PARD3B: variants seen among roughly 807,000 people sequenced by gnomAD.
PARD3B encodes par-3 family cell polarity regulator beta.
A neutral mutation model predicts 130.2 loss-of-function variants in PARD3B; 103 were observed. The observed-to-expected ratio is 0.79, with a 90% CI of 0.67 to 0.93. The LOEUF (loss-of-function observed/expected upper bound fraction) is 0.93, where lower values mean the gene tolerates loss of function less well. Among genes scored for constraint, PARD3B ranks in the 40% least tolerant of loss-of-function variants. The pLI, the probability that PARD3B is intolerant of heterozygous loss-of-function variation, is 0.00. For synonymous variants in PARD3B, 583 were observed against 553.2 expected, an observed-to-expected ratio of 1.05 and a Z score of -0.76; for missense variants, 1,609 against 1,499.2, an observed-to-expected ratio of 1.07 and a Z score of -1.21.
At chr2:205,168,288 G>GGAGAGA (rs761018109) in intron 11 of PARD3B, among the ~76,000 whole-genome samples, 26 of 126,912 alleles carry the variant, frequency 2.0e-4, no homozygotes, top group South Asian at 1.4e-3. Flanking sequence ...GGTGAGAAAG[G>GGAGAGA]GAGAGAGAGA....
At chr2:204,630,944 A>G (rs1188801003) in intron 1 of PARD3B, among the ~76,000 whole-genome samples, 1 of 151,814 alleles carries the variant, frequency 6.6e-6, no homozygotes, top group Admixed American at 6.6e-5. Flanking sequence ...AGGGTTTTTT[A>G]TGTCTCTGTC....
chr2:204,970,327 C>G (rs1691597346), intron 3 of PARD3B, among the ~76,000 whole-genome samples: 1 of 152,212 alleles, frequency 6.6e-6, no homozygotes, highest in South Asian at 2.1e-4. Context: ...TAACCTATCT[C>G]TATCAGAACC....
At chr2:205,481,863 G>A (rs992454703) in intron 20 of PARD3B, among the ~76,000 whole-genome samples, 4 of 152,282 alleles carry the variant, frequency 2.6e-5, no homozygotes, top group African/African-American at 7.2e-5. Flanking sequence ...AAACAATTAC[G>A]AGTCCAGAAA....
chr2:205,581,289 G>T (rs973179184), intron 22 of PARD3B, among the ~76,000 whole-genome samples: 26 of 138,780 alleles, frequency 1.9e-4, no homozygotes, highest in East Asian at 4.2e-4. Flanking sequence ...TAGATATATA[G>T]ATAGATATAG....
intron 3 of PARD3B, among the ~76,000 whole-genome samples, chr2:205,010,205 T>A (rs552953088): frequency 1.3e-5 from 2 of 152,130 alleles, no homozygotes; most frequent in Non-Finnish European, 2.9e-5. Flanking sequence ...AGTTAAGTAA[T>A]TGATACATAT....
chr2:205,185,986 C>T, intron 14 of PARD3B, 123 bp downstream of exon 14: 1 of 758,386 alleles, frequency 1.3e-6, no homozygotes, highest in Non-Finnish European at 2.2e-6. Flanking sequence ...CTTATAGTAT[C>T]TATAATTCCT....
At chr2:205,126,263 TA>T (rs754265354) in intron 10 of PARD3B, among the ~76,000 whole-genome samples, 4 of 152,286 alleles carry the variant, frequency 2.6e-5, no homozygotes, top group Non-Finnish European at 5.9e-5. Flanking sequence ...ATTAAAAATG[TA>T]TACCCTTAGA....
chr2:205,375,301 T>C (rs2044997845), intron 18 of PARD3B, among the ~76,000 whole-genome samples: 1 of 152,178 alleles, frequency 6.6e-6, no homozygotes, highest in African/African-American at 2.4e-5. Context: ...ATTCCTGATT[T>C]CAGGTAGCCA....
intron 15 of PARD3B, among the ~76,000 whole-genome samples, chr2:205,195,293 C>T (rs1037524080): frequency 6.6e-6 from 1 of 152,062 alleles, no homozygotes. Flanking sequence ...TTCTTCAGGA[C>T]CCTAGTACCA....
intron 18 of PARD3B, among the ~76,000 whole-genome samples, chr2:205,388,907 C>T (rs905183278): frequency 2.0e-5 from 3 of 152,128 alleles, no homozygotes; most frequent in Non-Finnish European, 4.4e-5. Flanking sequence ...TAATGAATTA[C>T]TCCTCATTTT....
intron 3 of PARD3B, among the ~76,000 whole-genome samples, chr2:204,980,014 C>T (rs1265056067): frequency 3.9e-5 from 6 of 152,148 alleles, no homozygotes. Context: ...TAAAGAACTT[C>T]TGTTCATTAA....
rs540895384 is a variant in PARD3B at position 204,994,982 on chromosome 2, G to A, written c.394+29659G>A. ...TTTGAGCCTATGTGTGTCTCTGCACGTGAGATGGGTTTCCTGAATACAGCA... is the reference window on the plus strand; with the variant it reads ...TTTGAGCCTATGTGTGTCTCTGCACATGAGATGGGTTTCCTGAATACAGCA... On this transcript the variant is annotated intron_variant, in intron 3 of 22. Transcript: ENST00000406610. Among the ~76,000 whole-genome samples, 605 of 150,764 alleles carry A rather than the reference G, an allele frequency of 4.0e-3. 4 individuals carry two copies. Among genetic ancestry groups the A allele is most frequent in the African/African-American group, 0.013 (516 of 40,954 alleles).
At chr2:204,714,133 C>T (rs900780084) in intron 2 of PARD3B, among the ~76,000 whole-genome samples, 1 of 152,122 alleles carries the variant, frequency 6.6e-6, no homozygotes, top group African/African-American at 2.4e-5. Context: ...TCTTAGCTTT[C>T]CTTCTCTCCT....
chr2:205,087,639 AATG>A (rs959004750), intron 4 of PARD3B, among the ~76,000 whole-genome samples: 78 of 151,204 alleles, frequency 5.2e-4, no homozygotes, highest in Middle Eastern at 3.4e-3. Context: ...AATTTGTTGA[AATG>A]ATATTACCTT....
At chr2:205,103,163 TATTTTATATTTATGTAAAGTAAAC>T (rs1372218275) in intron 4 of PARD3B, among the ~76,000 whole-genome samples, 2 of 57,450 alleles carry the variant, frequency 3.5e-5, no homozygotes, top group Admixed American at 2.2e-4. Flanking sequence ...AAAATAAACA[TATTTTATATTTATGTAAAGTAAAC>T]ATTTTATATT....
chr2:205,409,767 C>T (rs745877280), intron 19 of PARD3B, among the ~76,000 whole-genome samples: 1 of 152,078 alleles, frequency 6.6e-6, no homozygotes, highest in African/African-American at 2.4e-5. Flanking sequence ...AATTCATGTA[C>T]CCTGGAGTGA....
intron 15 of PARD3B, among the ~76,000 whole-genome samples, chr2:205,201,583 A>C (rs776224552): frequency 1.3e-5 from 2 of 152,228 alleles, no homozygotes; most frequent in Non-Finnish European, 2.9e-5. Context: ...TACACCTGTA[A>C]TCCCAGCCCT....
intron 2 of PARD3B, among the ~76,000 whole-genome samples, chr2:204,878,537 TAA>T (rs1326460004): frequency 6.6e-6 from 1 of 152,056 alleles, no homozygotes; most frequent in African/African-American, 2.4e-5. Context: ...TATTTTGTAT[TAA>T]AAAAAGAGTA....
rs1393922002 is a variant in PARD3B, at chr2:205,584,980, A to G, written c.3261-30476A>G. ...GGTGCTTGCAACTTGTTGAAGGCAC[A>G]GGTGTCTAATTGCGCCCACAAATGA... On this transcript the variant is annotated intron_variant, in intron 22 of 22. Transcript: ENST00000406610. This position sits in a 1 kb window ranked among gnomAD's most constrained non-coding sequence, Gnocchi z 5.5. Among the ~76,000 whole-genome samples the G allele has an allele frequency of 6.6e-6, 1 of 152,198 alleles. No individual in the cohort carries two copies. The highest frequency in any genetic ancestry group is 1.5e-5 in the Non-Finnish European group (1 of 68,038).
Sources: gnomAD v4.1 joint callset for allele counts (sites outside exome capture counted in the v4.1 genomes callset) on GRCh38, gnomAD v4.1.1 for gene constraint, Gnocchi (gnomAD v3.1) non-coding constraint, MANE v1.5 for transcripts, NCBI Gene and HGNC (gene_info 2026-07-23, HGNC 2026-07-21) for gene names.